The following SORCS1 variants were observed in gnomAD, a reference collection of about 807,000 sequenced individuals.
SORCS1 encodes the protein VPS10 domain-containing receptor SorCS1.
SORCS1 carries 60 observed loss-of-function variants against 146.1 expected under a neutral mutation model. That is an observed-to-expected ratio of 0.41 (90% confidence interval 0.33 to 0.51). SORCS1 has a LOEUF of 0.51. SORCS1 is among the 20% of genes least tolerant of loss of function. The probability of loss-of-function intolerance (pLI) is 0.21; values close to 1 mark genes in which losing one functional copy is unlikely to be tolerated. For missense variants in SORCS1, 1,352 were observed against 1,487.6 expected, an observed-to-expected ratio of 0.91 and a Z score of 1.50; for synonymous variants, 637 against 584.0, an observed-to-expected ratio of 1.09 and a Z score of -1.31.
At chr10:107,122,251 C>A (rs191286000) in intron 1 of SORCS1, among the ~76,000 whole-genome samples, 126 of 152,326 alleles carry the variant, frequency 8.3e-4, no homozygotes, top group African/African-American at 2.8e-3. Context: ...CTTGGTCAAC[C>A]CTGATATTTC....
At chr10:106,887,289 CAA>C (rs1001712206) in intron 2 of SORCS1, among the ~76,000 whole-genome samples, 4 of 152,024 alleles carry the variant, frequency 2.6e-5, no homozygotes, top group African/African-American at 9.7e-5. Flanking sequence ...TATTTTGAAA[CAA>C]TATCACTATT....
chr10:107,161,426 G>T (rs1172134251), intron 1 of SORCS1, among the ~76,000 whole-genome samples: 1 of 152,126 alleles, frequency 6.6e-6, no homozygotes, highest in African/African-American at 2.4e-5. Flanking sequence ...CTGGCCCTCG[G>T]GTTTAAATTA....
intron 4 of SORCS1, among the ~76,000 whole-genome samples, chr10:106,765,852 C>G (rs962353445): frequency 1.3e-5 from 2 of 151,886 alleles, no homozygotes; most frequent in Non-Finnish European, 2.9e-5. Flanking sequence ...TTTCAATATT[C>G]CTAAATCGGA....
chr10:106,921,522 G>A (rs1263060188), intron 2 of SORCS1, among the ~76,000 whole-genome samples: 1 of 152,112 alleles, frequency 6.6e-6, no homozygotes, highest in Non-Finnish European at 1.5e-5. Flanking sequence ...TTTGATTGAA[G>A]AGCGCAAATC....
At chr10:106,884,286 T>A (rs1208972130) in intron 2 of SORCS1, among the ~76,000 whole-genome samples, 2 of 152,176 alleles carry the variant, frequency 1.3e-5, no homozygotes, top group African/African-American at 2.4e-5. Context: ...AAAAAACAAC[T>A]TCCTCTCAAA....
At chr10:107,058,693 G>A (rs1409233752) in intron 1 of SORCS1, among the ~76,000 whole-genome samples, 1 of 152,086 alleles carries the variant, frequency 6.6e-6, no homozygotes, top group Non-Finnish European at 1.5e-5. Flanking sequence ...TATCTCATAG[G>A]GTGGTGAGTT....
At chr10:106,817,878 T>C (rs1452210598) in intron 3 of SORCS1, among the ~76,000 whole-genome samples, 1 of 152,236 alleles carries the variant, frequency 6.6e-6, no homozygotes, top group African/African-American at 2.4e-5. Flanking sequence ...GTTATGCTGA[T>C]CTGCTTCATT....
At chr10:107,022,460 C>T (rs1958192501) in intron 1 of SORCS1, among the ~76,000 whole-genome samples, 3 of 152,050 alleles carry the variant, frequency 2.0e-5, no homozygotes, top group African/African-American at 4.8e-5. Flanking sequence ...TCATTGAGGT[C>T]CCTTATGTGC....
intron 18 of SORCS1, among the ~76,000 whole-genome samples, chr10:106,634,276 T>C (rs1306548800): frequency 6.6e-6 from 1 of 152,234 alleles, no homozygotes; most frequent in Non-Finnish European, 1.5e-5. Context: ...CTTCAGTGCC[T>C]TAATGCAACA....
At chr10:106,620,196 A>G in intron 20 of SORCS1, 1 of 436,466 alleles carries the variant, frequency 2.3e-6, no homozygotes, top group Non-Finnish European at 4.0e-6. Flanking sequence ...AGCTGGAGAA[A>G]AACGTAAACA....
chr10:107,124,367 GCAACCCTGGTTC>G (rs1376938086), intron 1 of SORCS1, among the ~76,000 whole-genome samples: 2 of 152,130 alleles, frequency 1.3e-5, no homozygotes, highest in African/African-American at 4.8e-5. Context: ...TGTTCCCTTT[GCAACCCTGGTTC>G]CAATGTTAGA....
At chr10:106,854,361 T>C (rs1196755157) in intron 2 of SORCS1, among the ~76,000 whole-genome samples, 1 of 152,058 alleles carries the variant, frequency 6.6e-6, no homozygotes, top group Admixed American at 6.5e-5. Context: ...AGTGGGTTTC[T>C]TGTAGACAAC....
At chr10:107,066,297 C>T (rs1961852570) in intron 1 of SORCS1, among the ~76,000 whole-genome samples, 1 of 152,286 alleles carries the variant, frequency 6.6e-6, no homozygotes, top group Non-Finnish European at 1.5e-5. Context: ...TGTCACTGTA[C>T]TTTGATCCAA....
intron 4 of SORCS1, among the ~76,000 whole-genome samples, chr10:106,773,099 G>C (rs945341813): frequency 1.3e-5 from 2 of 152,206 alleles, no homozygotes; most frequent in Non-Finnish European, 2.9e-5. Flanking sequence ...CATTTTCTAA[G>C]GGATTGTTCA....
intron 1 of SORCS1, among the ~76,000 whole-genome samples, chr10:106,999,143 A>G (rs977989069): frequency 1.4e-4 from 22 of 152,278 alleles, no homozygotes; most frequent in African/African-American, 5.3e-4. Context: ...GGTTTAATGG[A>G]AAAAAACAGG....
chr10:107,051,602 A>G (rs1960129199), intron 1 of SORCS1, among the ~76,000 whole-genome samples: 1 of 152,132 alleles, frequency 6.6e-6, no homozygotes, highest in South Asian at 2.1e-4. Flanking sequence ...TTTGAAGCCC[A>G]TTTGTATAAG....
chr10:106,880,534 C>T (rs1950768060), intron 2 of SORCS1, among the ~76,000 whole-genome samples: 1 of 152,020 alleles, frequency 6.6e-6, no homozygotes, highest in Non-Finnish European at 1.5e-5. Flanking sequence ...GTTTCTTTCC[C>T]AAAGCTTCTA....
At chr10:106,823,635 TA>T in intron 3 of SORCS1, among the ~76,000 whole-genome samples, 2 of 152,290 alleles carry the variant, frequency 1.3e-5, no homozygotes, top group Middle Eastern at 3.4e-3. Flanking sequence ...CCTCGCATTC[TA>T]AAGGGAGTAT....
At chr10:107,169,908 G>A in the SORCS1 span, among the ~76,000 whole-genome samples, 2 of 152,064 alleles carry the variant, frequency 1.3e-5, no homozygotes, top group African/African-American at 4.8e-5. Flanking sequence ...GGTTTCAAAG[G>A]ATAGTTTGCA....
Sources: allele counts gnomAD v4.1 joint callset (sites outside exome capture counted in the v4.1 genomes callset), GRCh38; gene constraint gnomAD v4.1.1; transcripts MANE v1.5; gene names NCBI Gene and HGNC (gene_info 2026-07-23, HGNC 2026-07-21).